The following ZNF469 variants were observed in gnomAD, a reference collection of about 807,000 sequenced individuals.
The protein encoded by ZNF469 is zinc finger protein 469.
Under a neutral mutation model 1.0 loss-of-function variants are expected in ZNF469, and 1 was observed. The observed-to-expected ratio is 1.00, with a 90% confidence interval of 0.35 to 4.73. ZNF469 has a LOEUF of 4.73. Among genes scored for constraint, ZNF469 ranks in the 30% most tolerant of loss-of-function variants. ZNF469 has a pLI of 0.16. For missense variants in ZNF469, 6,100 were observed against 5,356.3 expected (o/e 1.14, Z -4.33); for synonymous variants, 2,703 against 2,363.4 (o/e 1.14, Z -4.17).
rs759903465 is a variant in ZNF469 at position 88,432,700 on chromosome 16, G to A, written c.5230G>A (p.Asp1744Asn). Residue 1744 changes from aspartate to asparagine, a missense_variant, in exon 3 of 3, where the codon GAC (aspartate) becomes AAC (asparagine). Physicochemically the swap from Asp to Asn is conservative, Grantham distance 23. Coordinates refer to ENST00000565624, the MANE Select transcript of ZNF469 (RefSeq NM_001367624.2). The part of the protein sequence containing the change: ...DAGSLAKCSP[D>N]QELSFPKNKE... ...CGGGAGTTTAGCAAAGTGCAGCCCC[G>A]ACCAGGAACTTTCATTTCCTAAGAA... 1.3e-5 allele frequency: 20 copies of A among 1,550,254 alleles called. No individual in the cohort carries two copies. The highest frequency in any genetic ancestry group is 2.7e-5 in the African/African-American group (2 of 73,020).
chr16:88,185,168 C>T, the ZNF469 span, among the ~76,000 whole-genome samples: 8 of 37,458 alleles, frequency 2.1e-4, no homozygotes, highest in East Asian at 9.1e-4. Flanking sequence ...CAGGCACACC[C>T]AGACATGGAT....
the ZNF469 span, chr16:88,194,668 A>G: frequency 1.3e-5 from 2 of 152,170 alleles, no homozygotes; most frequent in East Asian, 1.9e-4. Flanking sequence ...TTGTGACTTG[A>G]TCAGGGTAGA....
At chr16:88,180,447 A>G in the ZNF469 span, among the ~76,000 whole-genome samples, 6 of 152,220 alleles carry the variant, frequency 3.9e-5, no homozygotes, top group South Asian at 2.1e-4. Flanking sequence ...GAATATTACC[A>G]GAGATGAATA....
At chr16:88,400,647 G>A (rs1363160971) in intron 1 of ZNF469, among the ~76,000 whole-genome samples, 2 of 152,140 alleles carry the variant, frequency 1.3e-5, no homozygotes, top group African/African-American at 4.8e-5. Flanking sequence ...AGCCAGCTCT[G>A]TCCCCACAGT....
chr16:88,327,876 G>T, the ZNF469 span, among the ~76,000 whole-genome samples: 2 of 152,186 alleles, frequency 1.3e-5, no homozygotes, highest in East Asian at 3.8e-4. Context: ...ACACCCACCG[G>T]AAACACACCC....
chr16:88,217,484 A>C, the ZNF469 span, among the ~76,000 whole-genome samples: 1 of 151,010 alleles, frequency 6.6e-6, no homozygotes, highest in African/African-American at 2.4e-5. Context: ...GTACATGTGC[A>C]CATTGTGCAG....
chr16:88,293,881 G>C, the ZNF469 span, among the ~76,000 whole-genome samples: 2 of 152,122 alleles, frequency 1.3e-5, no homozygotes, highest in Non-Finnish European at 2.9e-5. Flanking sequence ...CTTAGCCTTC[G>C]GTCTCTCTCC....
At chr16:88,294,245 C>G in the ZNF469 span, among the ~76,000 whole-genome samples, 4 of 152,214 alleles carry the variant, frequency 2.6e-5, no homozygotes, top group African/African-American at 9.6e-5. Context: ...TGTGCAGAAC[C>G]AGTGTGCCGC....
chr16:88,293,035 C>G, the ZNF469 span, among the ~76,000 whole-genome samples: 1 of 152,208 alleles, frequency 6.6e-6, no homozygotes, highest in Non-Finnish European at 1.5e-5. Context: ...CAGCCAGAAA[C>G]ATAAATTTAC....
At chr16:88,132,883 C>G in the ZNF469 span, among the ~76,000 whole-genome samples, 15 of 152,216 alleles carry the variant, frequency 9.9e-5, no homozygotes, top group Admixed American at 5.2e-4. Flanking sequence ...GCTGAGGGCC[C>G]TGCACAGAGC....
chr16:88,392,019 T>C (rs1218654725), intron 1 of ZNF469, among the ~76,000 whole-genome samples: 1 of 152,256 alleles, frequency 6.6e-6, no homozygotes, highest in Non-Finnish European at 1.5e-5. Context: ...TTATATCACA[T>C]AACATCATAC....
the ZNF469 span, among the ~76,000 whole-genome samples, chr16:88,112,772 C>CTTTTTTTTTTTTT: frequency 4.1e-5 from 3 of 73,484 alleles, no homozygotes; most frequent in African/African-American, 6.0e-5. Context: ...TGTGCAGAAG[C>CTTTTTTTTTTTTT]TTTTTTTTTT....
the ZNF469 span, among the ~76,000 whole-genome samples, chr16:88,305,193 G>A: frequency 6.6e-6 from 1 of 152,286 alleles, no homozygotes; most frequent in East Asian, 1.9e-4. Context: ...ATGTCTGCAT[G>A]TGCAGGAAAT....
chr16:88,213,380 T>G, the ZNF469 span, among the ~76,000 whole-genome samples: 1 of 152,228 alleles, frequency 6.6e-6, no homozygotes, highest in African/African-American at 2.4e-5. Context: ...ATTACAGGCA[T>G]GAGCCACCGC....
At chr16:88,419,475 T>G in intron 1 of ZNF469, among the ~76,000 whole-genome samples, 1 of 152,182 alleles carries the variant, frequency 6.6e-6, no homozygotes, top group East Asian at 1.9e-4. Context: ...CCATTCGGCC[T>G]GGAAGCCCAG....
the ZNF469 span, among the ~76,000 whole-genome samples, chr16:88,340,892 C>T: frequency 6.6e-6 from 1 of 152,016 alleles, no homozygotes; most frequent in African/African-American, 2.4e-5. Context: ...TAGGAGAGCC[C>T]GGGGGCCTAG....
At chr16:88,346,425 C>A in the ZNF469 span, among the ~76,000 whole-genome samples, 1 of 152,268 alleles carries the variant, frequency 6.6e-6, no homozygotes, top group East Asian at 1.9e-4. Flanking sequence ...CCCTCCCAGC[C>A]CTGGCCTGGA....
At chr16:88,325,302 G>A in the ZNF469 span, among the ~76,000 whole-genome samples, 8 of 152,020 alleles carry the variant, frequency 5.3e-5, no homozygotes, top group Non-Finnish European at 1.2e-4. Context: ...GCACCCCGGG[G>A]GGCCGCAGGG....
At position 88,438,047 on chromosome 16, in the gene ZNF469, C is replaced by A; in HGVS notation, c.10577C>A (p.Thr3526Asn). 1 of 1,550,298 alleles carries A rather than the reference C, an allele frequency of 6.5e-7. No individual in the cohort carries two copies. Among genetic ancestry groups the A allele is most frequent in the East Asian group, 2.4e-5 (1 of 40,916 alleles). Residue 3526 changes from threonine (T) to asparagine (N), a missense_variant, in exon 3 of 3, where the codon ACC becomes AAC. Transcript: ENST00000565624. ...AGCACCACCAAGGGATGGCCCGAGACCCTAGAGAGGCCTGTAGACCCCGTG... is the reference window on the plus strand; with the variant it reads ...AGCACCACCAAGGGATGGCCCGAGAACCTAGAGAGGCCTGTAGACCCCGTG... ...APSTTKGWPE[T>N]LERPVDPVTH... is the part of the protein sequence containing the mutation.
Sources: gnomAD v4.1 joint callset for allele counts (sites outside exome capture counted in the v4.1 genomes callset) on GRCh38, gnomAD v4.1.1 for gene constraint, MANE v1.5 for transcripts, NCBI Gene and HGNC (gene_info 2026-07-23, HGNC 2026-07-21) for gene names.